ZDHHC18: variants seen among roughly 807,000 people sequenced by gnomAD.
ZDHHC18 encodes palmitoyltransferase ZDHHC18.
Under a neutral mutation model 37.5 loss-of-function variants are expected in ZDHHC18, and 23 were observed. The ratio of observed to expected loss-of-function variants is 0.61; its 90% confidence interval spans 0.44 to 0.87. The LOEUF (loss-of-function observed/expected upper bound fraction) is 0.87. ZDHHC18 is among the 40% of genes least tolerant of loss of function. ZDHHC18 has a pLI of 0.00. For synonymous variants in ZDHHC18, 185 were observed against 218.7 expected, an observed-to-expected ratio of 0.85 and a Z score of 1.36; for missense variants, 406 against 525.6, an observed-to-expected ratio of 0.77 and a Z score of 2.22.
chr1:26,828,260 G>A (rs1285141835), intron 1 of ZDHHC18, among the ~76,000 whole-genome samples: 1 of 124,918 alleles, frequency 8.0e-6, no homozygotes, highest in Non-Finnish European at 1.6e-5. Context: ...ATCCTTTGTG[G>A]TTGTTCCTCT....
At chr1:26,834,103 T>A (rs918275397) in intron 2 of ZDHHC18, among the ~76,000 whole-genome samples, 1 of 152,168 alleles carries the variant, frequency 6.6e-6, no homozygotes, top group Admixed American at 6.5e-5. Context: ...GAGGCCCAGC[T>A]GTGCCCCGTT....
rs2081720329 is a variant in ZDHHC18, at chr1:26,853,937, C to A, written c.*94C>A. On this transcript the variant is annotated 3_prime_UTR_variant, in exon 8 of 8. Transcript: ENST00000374142. ...ATTCCATCCAAGGGAAGCAGAACTG[C>A]CAAAGACTCAAGTCTTTTCATATTT... The A allele has an allele frequency of 2.7e-6, 3 of 1,099,834 alleles. No individual in the cohort carries two copies. Among genetic ancestry groups the A allele is most frequent in the African/African-American group, 3.1e-5 (2 of 64,574 alleles). The allele number at this position is 1,099,834 out of a possible 1,614,324, so 68.1% of individuals were successfully genotyped here.
chr1:26,844,798 C>T (rs1039597616), intron 2 of ZDHHC18, among the ~76,000 whole-genome samples: 10 of 151,980 alleles, frequency 6.6e-5, no homozygotes, highest in Admixed American at 2.6e-4. Context: ...CACTTTTTCA[C>T]GTGTTTATTG....
intron 1 of ZDHHC18, chr1:26,831,916 C>G (rs1290093222): frequency 6.5e-6 from 1 of 153,116 alleles, no homozygotes; most frequent in Non-Finnish European, 1.5e-5. Context: ...ACACATCACC[C>G]TGTGTGGCAA....
chr1:26,851,717 C>T (rs1048851834), intron 6 of ZDHHC18, among the ~76,000 whole-genome samples: 1 of 152,198 alleles, frequency 6.6e-6, no homozygotes, highest in African/African-American at 2.4e-5. Context: ...GTATGCGCTC[C>T]CTCTTCCACA....
Position 26,851,209 on chromosome 1 carries a change from C to G in ZDHHC18, c.914C>G (p.Ser305Cys). 6.2e-7 allele frequency: 1 copy of G among 1,614,230 alleles called. No individual in the cohort carries two copies. Among genetic ancestry groups the G allele is most frequent in the Non-Finnish European group, 8.5e-7 (1 of 1,180,032 alleles). ...GGGTTTCACACGTACCTCGTCGCCT[C>G]CAACCTGACTACTAATGAAGACGTG... ...LSGFHTYLVA[S>C]NLTTNEDIKG... The change falls in exon 6 of 8, where the codon TCC (serine) becomes TGC (cysteine). Residue 305 changes from serine to cysteine, a missense_variant. Physicochemically the swap from Ser to Cys is moderately radical, Grantham distance 112 (BLOSUM62 -1). Coordinates refer to ENST00000374142, the MANE Select transcript of ZDHHC18 (RefSeq NM_032283.3).
chr1:26,857,134 T>G lies in ZDHHC18; in HGVS notation c.*3291T>G, dbSNP rs541777748. On this transcript the variant is annotated 3_prime_UTR_variant, in exon 8 of 8. Coordinates refer to ENST00000374142, the MANE Select transcript of ZDHHC18 (RefSeq NM_032283.3). ...ACAATAATGTGACTCTACGCTGATA[T>G]GCTCCCTCTCTCCTCCACTGACTTC... 1 of 152,486 alleles carries G rather than the reference T, an allele frequency of 6.6e-6. No individual in the cohort carries two copies. The highest frequency in any genetic ancestry group is 2.4e-5 in the African/African-American group (1 of 41,588). The allele number at this position is 152,486 out of a possible 1,614,324, so 9.4% of individuals were successfully genotyped here.
intron 2 of ZDHHC18, among the ~76,000 whole-genome samples, chr1:26,839,012 G>C (rs923470571): frequency 6.6e-6 from 1 of 152,272 alleles, no homozygotes; most frequent in Non-Finnish European, 1.5e-5. Context: ...GAAGGGCAGA[G>C]GGCAGTCAGG....
chr1:26,834,640 A>G (rs1024826399), intron 2 of ZDHHC18, among the ~76,000 whole-genome samples: 10 of 152,194 alleles, frequency 6.6e-5, no homozygotes, highest in Non-Finnish European at 5.9e-5. Flanking sequence ...AGGGCATGGA[A>G]TTCCAGCATC....
At chr1:26,849,614 C>T (rs2081691128) in intron 3 of ZDHHC18, among the ~76,000 whole-genome samples, 1 of 152,264 alleles carries the variant, frequency 6.6e-6, no homozygotes, top group Non-Finnish European at 1.5e-5. Context: ...CACATTCCCA[C>T]AAGGACTTTC....
intron 3 of ZDHHC18, 77 bp downstream of exon 3, chr1:26,848,834 T>G (rs1304178551): frequency 3.7e-5 from 58 of 1,550,476 alleles, no homozygotes; most frequent in Non-Finnish European, 5.0e-5. Context: ...GCATCAAGCA[T>G]GGGGATGGCG....
Position 26,850,667 on chromosome 1 carries a change from G to A in ZDHHC18, c.833+61G>A. On this transcript the variant is annotated intron_variant, in intron 5 of 7. Transcript: ENST00000374142. The surrounding 1 kb of genome is among the most constrained non-coding windows in gnomAD (Gnocchi z 6.1). ...ACTGAGGTCCCTTCACTGGGTGGGT[G>A]CCCTGCCTCATCCTCTAATCAGAAG... 4 of 1,583,286 alleles carry A rather than the reference G, an allele frequency of 2.5e-6. No individual in the cohort carries two copies. In the Admixed American group the frequency reaches 6.8e-5, roughly 27 times the overall value.
rs762811692 is a variant in ZDHHC18 at position 26,850,397 on chromosome 1, C to T, written c.743C>T (p.Thr248Met). The change falls in exon 4 of 8, where the codon ACG (threonine) becomes ATG (methionine). Residue 248 changes from threonine (T) to methionine (M), a missense_variant. Coordinates refer to ENST00000374142, the MANE Select transcript of ZDHHC18 (RefSeq NM_032283.3). The surrounding 1 kb of genome is among the most constrained non-coding windows in gnomAD (Gnocchi z 6.1). ...YAFILSLSFLTAFIFACVVTH... is the reference protein window; with the variant it reads ...YAFILSLSFLMAFIFACVVTH... Reference sequence around the variant, plus strand: ...TTTATTCTCTCCCTCTCATTCCTGACGGCCTTCATCTTCGCCTGTGTGGTC... The same window carrying T: ...TTTATTCTCTCCCTCTCATTCCTGATGGCCTTCATCTTCGCCTGTGTGGTC... The T allele has an allele frequency of 1.9e-6, 3 of 1,614,232 alleles. No individual in the cohort carries two copies. Among genetic ancestry groups the T allele is most frequent in the Non-Finnish European group, 2.5e-6 (3 of 1,180,038 alleles).
At position 26,852,931 on chromosome 1, in the gene ZDHHC18, G is replaced by C. The variant is rs1186812328; in HGVS notation, c.1049+66G>C. 6 of 1,493,908 alleles carry C rather than the reference G, an allele frequency of 4.0e-6. No homozygotes were observed. The African/African-American group carries it at 8.3e-5, about 21-fold the overall frequency. The allele number at this position is 1,493,908 out of a possible 1,614,324, so 92.5% of individuals were successfully genotyped here. A position where few individuals can be genotyped will look rare whatever the true frequency, so the allele number is the denominator to read the frequency against. On this transcript the variant is annotated intron_variant, in intron 7 of 7. Coordinates refer to ENST00000374142, the MANE Select transcript of ZDHHC18 (RefSeq NM_032283.3). ...CCTGGCCAGTGATCAAAGTGTTCCT[G>C]GATATCAGCCGACCTCCCCCTACAC... is the stretch of plus-strand genomic sequence containing the variant.
At chr1:26,827,467 G>GC (rs1215872552) in intron 1 of ZDHHC18, among the ~76,000 whole-genome samples, 2 of 151,408 alleles carry the variant, frequency 1.3e-5, no homozygotes, top group African/African-American at 4.9e-5. Flanking sequence ...CCCCTCCACG[G>GC]CCCCCATCCT....
At position 26,850,570 on chromosome 1, in the gene ZDHHC18, G is replaced by T; in HGVS notation, c.797G>T (p.Ser266Ile). 6.2e-7 allele frequency: 1 copy of T among 1,614,176 alleles called. No homozygotes were observed. The highest frequency in any genetic ancestry group is 8.5e-7 in the Non-Finnish European group (1 of 1,180,022). ...VTHLTLRAQG[S>I]NFLSTLKETP... ...TCTTTCTCCCCAGGCGCTCAGGGAA[G>T]CAACTTCCTCTCCACTCTGAAGGAG... The change falls in exon 5 of 8, where the codon AGC becomes ATC. Residue 266 changes from serine (S) to isoleucine (I), a missense_variant. Ser to Ile is a moderately radical substitution (Grantham distance 142). Transcript: ENST00000374142. The surrounding 1 kb of genome is among the most constrained non-coding windows in gnomAD (Gnocchi z 6.1).
chr1:26,831,086 T>C (rs2081587258), intron 1 of ZDHHC18, among the ~76,000 whole-genome samples: 1 of 152,230 alleles, frequency 6.6e-6, no homozygotes, highest in Non-Finnish European at 1.5e-5. Flanking sequence ...CTGGCCAAGC[T>C]TATGTTTTAG....
At chr1:26,831,610 G>A (rs1399010898) in intron 1 of ZDHHC18, among the ~76,000 whole-genome samples, 1 of 152,196 alleles carries the variant, frequency 6.6e-6, no homozygotes, top group Non-Finnish European at 1.5e-5. Context: ...AGAACTTCTA[G>A]AATGTTCTAG....
intron 2 of ZDHHC18, among the ~76,000 whole-genome samples, chr1:26,832,884 A>G (rs1337736011): frequency 1.3e-5 from 2 of 152,224 alleles, no homozygotes; most frequent in African/African-American, 4.8e-5. Flanking sequence ...TAAGCTCTTT[A>G]TATGCATGAT....
Sources: allele counts gnomAD v4.1 joint callset (sites outside exome capture counted in the v4.1 genomes callset), GRCh38; gene constraint gnomAD v4.1.1; non-coding constraint Gnocchi (gnomAD v3.1); transcripts MANE v1.5; gene names NCBI Gene and HGNC (gene_info 2026-07-23, HGNC 2026-07-21).